Variants in CCDC178 observed in about 807,000 individuals in gnomAD.
CCDC178 encodes the protein coiled-coil domain containing 178, also known as coiled-coil domain-containing protein 178.
Under a neutral mutation model 117.4 loss-of-function variants are expected in CCDC178, and 126 were observed. The ratio of observed to expected loss-of-function variants is 1.07; its 90% CI spans 0.93 to 1.24. CCDC178 has a LOEUF of 1.24. Among genes scored for constraint, CCDC178 ranks in the 50% most tolerant of loss-of-function variants. CCDC178 has a pLI of 0.00. For missense variants in CCDC178, 1,030 were observed against 986.9 expected, an observed-to-expected ratio of 1.04 and a Z score of -0.59; for synonymous variants, 283 against 313.4, an observed-to-expected ratio of 0.90 and a Z score of 1.02.
intron 21 of CCDC178, among the ~76,000 whole-genome samples, chr18:32,994,104 A>G (rs1219110813): frequency 1.3e-5 from 2 of 151,900 alleles, no homozygotes; most frequent in Non-Finnish European, 2.9e-5. Context: ...AGCCTGCCTC[A>G]CTCTGACCCA....
intron 15 of CCDC178, among the ~76,000 whole-genome samples, chr18:33,233,962 A>G (rs2059397671): frequency 6.6e-6 from 1 of 152,168 alleles, no homozygotes; most frequent in Non-Finnish European, 1.5e-5. Context: ...AATACTGAAA[A>G]GTCAACTTGC....
chr18:33,375,196 T>C (rs2063348630), intron 5 of CCDC178, among the ~76,000 whole-genome samples: 1 of 152,202 alleles, frequency 6.6e-6, no homozygotes, highest in Non-Finnish European at 1.5e-5. Context: ...TTCTCCTACT[T>C]TAACTTTTTA....
At chr18:33,390,503 G>GA (rs1453601672) in intron 4 of CCDC178, among the ~76,000 whole-genome samples, 68 of 152,140 alleles carry the variant, frequency 4.5e-4, no homozygotes, top group South Asian at 4.1e-4. Context: ...GTGGACCAGT[G>GA]AAACGAATGA....
At chr18:33,367,620 T>C (rs1443859709) in intron 6 of CCDC178, among the ~76,000 whole-genome samples, 1 of 151,930 alleles carries the variant, frequency 6.6e-6, no homozygotes, top group African/African-American at 2.4e-5. Flanking sequence ...AATTTTTTCA[T>C]CTTTCAAAAG....
intron 20 of CCDC178, among the ~76,000 whole-genome samples, chr18:33,184,288 A>C (rs1313313617): frequency 6.6e-6 from 1 of 152,014 alleles, no homozygotes; most frequent in African/African-American, 2.4e-5. Flanking sequence ...TTTACTTCGG[A>C]ATGCCATTGT....
At chr18:33,251,909 A>G (rs929656593) in intron 14 of CCDC178, among the ~76,000 whole-genome samples, 5 of 151,762 alleles carry the variant, frequency 3.3e-5, no homozygotes, top group African/African-American at 1.2e-4. Context: ...GGGCTTTTCA[A>G]GTCATAAAAA....
chr18:33,211,950 A>G lies in CCDC178; in HGVS notation c.2184T>C (p.Asp728=), dbSNP rs751307121. Residue 728 remains aspartate (D), a synonymous_variant, in exon 20 of 23, where the codon GAT becomes GAC. Transcript: ENST00000383096. The part of the protein sequence containing the change: ...KDCEERIFEE[D]QRFRVLLAVR... ...CAGCAAGGAGCACTCTAAATCTCTGATCTTCCTCAAAGATTCTCTCTTCAC... is the reference window on the plus strand; with the variant it reads ...CAGCAAGGAGCACTCTAAATCTCTGGTCTTCCTCAAAGATTCTCTCTTCAC... The G allele has an allele frequency of 3.7e-6, 6 of 1,610,256 alleles. No homozygotes were observed. The highest frequency in any genetic ancestry group is 5.1e-6 in the Non-Finnish European group (6 of 1,178,254).
chr18:32,957,110 A>G (rs1446926023), intron 22 of CCDC178, among the ~76,000 whole-genome samples: 1 of 152,178 alleles, frequency 6.6e-6, no homozygotes, highest in Non-Finnish European at 1.5e-5. Context: ...TTGATCCAAG[A>G]CAGGGAAAGA....
At chr18:32,963,773 C>T (rs1178575129) in intron 22 of CCDC178, among the ~76,000 whole-genome samples, 4 of 152,012 alleles carry the variant, frequency 2.6e-5, no homozygotes, top group Non-Finnish European at 4.4e-5. Context: ...TGTCTACCTC[C>T]TCTATGAGAT....
In CCDC178 at chr18:33,282,828, G is replaced by A. The variant is rs562999009; in HGVS notation, c.1176+10331C>T. On this transcript the variant is annotated intron_variant, in intron 12 of 22. Transcript: ENST00000383096. ...CCAGAGCCAGCAAGCCCGGCTCCCCGCTAGTGCCTCCCCCTTGTGTTAATA... is the reference window on the plus strand; with the variant it reads ...CCAGAGCCAGCAAGCCCGGCTCCCCACTAGTGCCTCCCCCTTGTGTTAATA... Among the ~76,000 whole-genome samples the A allele has an allele frequency of 4.1e-4, 62 of 152,192 alleles. No individual in the cohort carries two copies. The South Asian group carries it at 0.012, about 31-fold the overall frequency.
rs199709324 is a variant in CCDC178, at chr18:33,044,028, T to C, written c.2388+48733A>G. Among the ~76,000 whole-genome samples, 661 of 150,878 alleles carry C rather than the reference T, an allele frequency of 4.4e-3. 4 individuals carry two copies. Among genetic ancestry groups the C allele is most frequent in the African/African-American group, 0.015 (614 of 41,110 alleles). ...ATTGATGTGTTGTTAACAATATATATACACACACACACCAGCATATGTGTG... is the reference window on the plus strand; with the variant it reads ...ATTGATGTGTTGTTAACAATATATACACACACACACACCAGCATATGTGTG... On this transcript the variant is annotated intron_variant, in intron 21 of 22. Coordinates refer to ENST00000383096, the MANE Select transcript of CCDC178 (RefSeq NM_001105528.4).
At chr18:32,940,492 T>C (rs1421853905) in intron 22 of CCDC178, among the ~76,000 whole-genome samples, 1 of 151,990 alleles carries the variant, frequency 6.6e-6, no homozygotes, top group Non-Finnish European at 1.5e-5. Context: ...TATGAATTAT[T>C]ATTATTATTT....
intron 18 of CCDC178, among the ~76,000 whole-genome samples, chr18:33,220,562 C>T (rs2059220050): frequency 6.6e-6 from 1 of 151,998 alleles, no homozygotes. Flanking sequence ...GGGATTCTTG[C>T]TACTTGGGAA....
chr18:32,979,045 AAAAG>A (rs776662226), intron 21 of CCDC178, among the ~76,000 whole-genome samples: 77 of 152,124 alleles, frequency 5.1e-4, no homozygotes, highest in Middle Eastern at 3.4e-3. Context: ...TAAAAAAAAA[AAAAG>A]AGAGAAAAAA....
chr18:33,289,102 T>A (rs1197239657), intron 12 of CCDC178, among the ~76,000 whole-genome samples: 1 of 152,146 alleles, frequency 6.6e-6, no homozygotes, highest in East Asian at 1.9e-4. Flanking sequence ...GTTTGTTTGT[T>A]TTTGTTTTTG....
chr18:33,413,751 T>A (rs1216342684), intron 2 of CCDC178, among the ~76,000 whole-genome samples: 1 of 152,138 alleles, frequency 6.6e-6, no homozygotes, highest in East Asian at 1.9e-4. Flanking sequence ...GCAGTACTTG[T>A]GAGGGCCACA....
intron 12 of CCDC178, among the ~76,000 whole-genome samples, chr18:33,274,344 G>T (rs1393515858): frequency 1.3e-5 from 2 of 151,780 alleles, no homozygotes; most frequent in African/African-American, 4.8e-5. Flanking sequence ...AAAATAGTTC[G>T]GCAGTTCCTC....
At chr18:33,017,298 A>G (rs1414164312) in intron 21 of CCDC178, among the ~76,000 whole-genome samples, 2 of 151,974 alleles carry the variant, frequency 1.3e-5, no homozygotes, top group Non-Finnish European at 2.9e-5. Flanking sequence ...ATTATGTTCT[A>G]TACACTATCA....
At chr18:33,316,270 G>A (rs571421483) in intron 11 of CCDC178, among the ~76,000 whole-genome samples, 6 of 152,326 alleles carry the variant, frequency 3.9e-5, no homozygotes, top group African/African-American at 1.2e-4. Flanking sequence ...CGGTGCTTGC[G>A]GGATAGCGCG....
Sources: allele counts gnomAD v4.1 joint callset (sites outside exome capture counted in the v4.1 genomes callset), GRCh38; gene constraint gnomAD v4.1.1; transcripts MANE v1.5; gene names NCBI Gene and HGNC (gene_info 2026-07-23, HGNC 2026-07-21).